Variants in HEPHL1 observed in about 807,000 individuals in gnomAD.
HEPHL1 encodes the protein ferroxidase HEPHL1.
HEPHL1 carries 123 observed loss-of-function variants against 122.0 expected under a neutral mutation model. The observed-to-expected ratio is 1.01, with a 90% CI of 0.87 to 1.17. The LOEUF (loss-of-function observed/expected upper bound fraction) is 1.17. Among genes scored for constraint, HEPHL1 ranks in the 50% most tolerant of loss-of-function variants. HEPHL1 has a pLI of 0.00. For synonymous variants in HEPHL1, 527 were observed against 508.9 expected (o/e 1.04, Z -0.48); for missense variants, 1,452 against 1,430.5 (o/e 1.01, Z -0.24).
At chr11:94,044,534 A>G (rs781004789) in intron 1 of HEPHL1, among the ~76,000 whole-genome samples, 3 of 152,072 alleles carry the variant, frequency 2.0e-5, no homozygotes, top group Admixed American at 1.3e-4. Flanking sequence ...TTGTCAGTCT[A>G]TCTCCGGAAC....
intron 1 of HEPHL1, among the ~76,000 whole-genome samples, chr11:94,027,023 A>G (rs1413794586): frequency 6.6e-6 from 1 of 152,166 alleles, no homozygotes; most frequent in African/African-American, 2.4e-5. Flanking sequence ...TCTGAACTGC[A>G]TGTGTTGTCA....
chr11:94,087,308 A>G (rs1343663046), intron 11 of HEPHL1, among the ~76,000 whole-genome samples: 2 of 152,160 alleles, frequency 1.3e-5, no homozygotes, highest in East Asian at 3.9e-4. Context: ...TGCCCAGAAT[A>G]ATTTTAGAAA....
At chr11:94,037,174 G>A (rs1373476598) in intron 1 of HEPHL1, among the ~76,000 whole-genome samples, 1 of 152,134 alleles carries the variant, frequency 6.6e-6, no homozygotes, top group African/African-American at 2.4e-5. Context: ...CTTAAAAAAC[G>A]GCGCACCACG....
At chr11:94,086,342 A>G (rs1946218290) in intron 11 of HEPHL1, among the ~76,000 whole-genome samples, 153 bp downstream of exon 11, 1 of 152,246 alleles carries the variant, frequency 6.6e-6, no homozygotes, top group Non-Finnish European at 1.5e-5. Context: ...ATCCTGACTT[A>G]TTAGTCCAAA....
At chr11:94,040,178 G>A (rs1945764106) in intron 1 of HEPHL1, among the ~76,000 whole-genome samples, 1 of 78,000 alleles carries the variant, frequency 1.3e-5, no homozygotes, top group Middle Eastern at 5.2e-3. Context: ...CCAGGAAGAA[G>A]TTGAATCTCT....
chr11:94,107,472 G>T (rs1331719787), intron 17 of HEPHL1, among the ~76,000 whole-genome samples: 2 of 152,126 alleles, frequency 1.3e-5, no homozygotes, highest in African/African-American at 4.8e-5. Context: ...CTTTTGATAA[G>T]CACATACAGT....
At position 94,045,912 on chromosome 11, in the gene HEPHL1, C is replaced by A. The variant is rs1945831600; in HGVS notation, c.410C>A (p.Ser137Ter). ...CATGGCGTTTTCTACAACAAAGATT[C>A]AGAAGGTAAATATCAATCCTTTATT... The part of the protein sequence containing the change: ...HPHGVFYNKD[S>*]EGALYPDGTS... Residue 137 changes from serine to a stop codon, truncating the protein, a stop_gained, in exon 2 of 20, where the codon TCA (serine) becomes TAA (stop). Transcript: ENST00000315765. LOFTEE classifies it high-confidence loss of function. 1.2e-6 allele frequency: 2 copies of A among 1,613,410 alleles called. No individual in the cohort carries two copies. The highest frequency in any genetic ancestry group is 1.7e-6 in the Non-Finnish European group (2 of 1,179,740).
intron 11 of HEPHL1, among the ~76,000 whole-genome samples, chr11:94,086,479 C>A (rs751945193): frequency 6.6e-6 from 1 of 152,204 alleles, no homozygotes; most frequent in Non-Finnish European, 1.5e-5. Flanking sequence ...CATAAAAATT[C>A]AGCCCTGATA....
chr11:94,048,084 A>G (rs1945856403), intron 2 of HEPHL1, among the ~76,000 whole-genome samples: 1 of 152,122 alleles, frequency 6.6e-6, no homozygotes, highest in Non-Finnish European at 1.5e-5. Context: ...TATGTCTATG[A>G]ATGTGCCTTT....
chr11:94,024,615 C>T (rs898883603), intron 1 of HEPHL1, among the ~76,000 whole-genome samples: 5 of 152,080 alleles, frequency 3.3e-5, no homozygotes, highest in South Asian at 2.1e-4. Context: ...ATCTCCAATT[C>T]CTCACTTCAT....
rs764835650 is a variant in HEPHL1, at chr11:94,067,464, AGTCTCTTC to A, written c.809-31_809-24del. On this transcript the variant is annotated intron_variant, in intron 4 of 19. Coordinates refer to ENST00000315765, the MANE Select transcript of HEPHL1 (RefSeq NM_001098672.2). The stretch of plus-strand genomic sequence containing the variant: ...CTGGTCCCAGTCGCCTCTGCAGGGG[AGTCTCTTC>A]CACTAGCGTGTTTCTGTTTCCAGCC... 65 of 1,605,484 alleles carry A rather than the reference AGTCTCTTC, an allele frequency of 4.0e-5. No homozygotes were observed. In the African/African-American group the frequency reaches 8.0e-4, roughly 20 times the overall value.
chr11:94,056,691 A>G (rs1490435899), intron 2 of HEPHL1, among the ~76,000 whole-genome samples: 4 of 151,786 alleles, frequency 2.6e-5, no homozygotes, highest in Admixed American at 6.6e-5. Context: ...CTATCTATCT[A>G]TCTATCTATC....
chr11:94,108,430 T>C (rs980114207), intron 17 of HEPHL1, among the ~76,000 whole-genome samples: 10 of 152,074 alleles, frequency 6.6e-5, no homozygotes, highest in Admixed American at 5.9e-4. Flanking sequence ...ACAATTTTTC[T>C]TTTTTCTCTT....
At chr11:94,094,808 C>T (rs935365589) in intron 13 of HEPHL1, among the ~76,000 whole-genome samples, 2 of 152,176 alleles carry the variant, frequency 1.3e-5, no homozygotes, top group African/African-American at 4.8e-5. Context: ...TTTTGAGAAG[C>T]ATCTGTTCAT....
intron 1 of HEPHL1, among the ~76,000 whole-genome samples, chr11:94,036,892 T>C (rs181726534): frequency 0.021 from 3,200 of 150,842 alleles, 128 homozygotes; most frequent in African/African-American, 0.074. Context: ...GGAACAGCTC[T>C]GGTCTACAGC....
At chr11:94,102,837 C>A (rs1946378098) in intron 14 of HEPHL1, 77 bp from the exon 15 acceptor site, 3 of 733,576 alleles carry the variant, frequency 4.1e-6, no homozygotes, top group Admixed American at 2.4e-5. Flanking sequence ...TATATAAAGA[C>A]CTGCTTATAT....
At position 94,093,599 on chromosome 11, in the gene HEPHL1, T is replaced by A. The variant is rs774274189; in HGVS notation, c.2393T>A (p.Ile798Asn). 9.9e-6 allele frequency: 16 copies of A among 1,613,406 alleles called. No individual in the cohort carries two copies. Among genetic ancestry groups the A allele is most frequent in the African/African-American group, 1.3e-5 (1 of 74,788 alleles). Residue 798 changes from isoleucine (I) to asparagine (N), a missense_variant, in exon 13 of 20, where the codon ATC becomes AAC. By Grantham distance (149) the Ile-to-Asn change is moderately radical (BLOSUM62 -3). Coordinates refer to ENST00000315765, the MANE Select transcript of HEPHL1 (RefSeq NM_001098672.2). The part of the protein sequence containing the change: ...REYTDGEFVE[I>N]KARPPREEHL... ...TATACGGATGGAGAATTTGTGGAGA[T>A]CAAAGCCCGACCACCACGAGAGGAG... is the stretch of plus-strand genomic sequence containing the variant.
rs942303130 is a variant in HEPHL1 at position 94,070,415 on chromosome 11, G to C, written c.1105G>C (p.Asp369His). ...GQYNVDNCKS[D>H]IFYPKMKGQQ... Reference sequence around the variant, plus strand: ...ATACAATGTTGATAACTGCAAAAGTGATATTTTCTACCCCAAGATGAAGGG... The same window carrying C: ...ATACAATGTTGATAACTGCAAAAGTCATATTTTCTACCCCAAGATGAAGGG... The change falls in exon 6 of 20, where the codon GAT becomes CAT. Residue 369 changes from aspartate (D) to histidine (H), a missense_variant. Physicochemically the swap from Asp to His is moderately conservative, Grantham distance 81 (BLOSUM62 -1). Transcript: ENST00000315765. 2 of 1,603,648 alleles carry C rather than the reference G, an allele frequency of 1.2e-6. No homozygotes were observed. The highest frequency in any genetic ancestry group is 2.7e-5 in the African/African-American group (2 of 74,760).
chr11:94,033,226 C>T (rs1056114276), intron 1 of HEPHL1, among the ~76,000 whole-genome samples: 3 of 152,154 alleles, frequency 2.0e-5, no homozygotes, highest in African/African-American at 7.2e-5. Flanking sequence ...TTGCCTTATG[C>T]CCCTTAGTTG....
Sources: allele counts gnomAD v4.1 joint callset (sites outside exome capture counted in the v4.1 genomes callset), GRCh38; gene constraint gnomAD v4.1.1; transcripts MANE v1.5; gene names NCBI Gene and HGNC (gene_info 2026-07-23, HGNC 2026-07-21).